Variants in RBFOX1 observed in about 807,000 individuals in gnomAD.
RBFOX1 encodes RNA binding protein fox-1 homolog 1.
In RBFOX1, 8 loss-of-function variants were observed where a neutral mutation model predicts 57.7. The ratio of observed to expected loss-of-function variants is 0.14; its 90% CI spans 0.08 to 0.25. RBFOX1 has a LOEUF of 0.25. Ranked by LOEUF, RBFOX1 falls within the 10% of genes least tolerant of loss-of-function variation. The pLI is 1.00. For missense variants in RBFOX1, 611 were observed against 548.5 expected, an observed-to-expected ratio of 1.11 and a Z score of -1.14; for synonymous variants, 326 against 222.4, an observed-to-expected ratio of 1.47 and a Z score of -4.15.
chr16:6,287,295 C>G (rs1021247262), intron 1 of RBFOX1, among the ~76,000 whole-genome samples: 1 of 152,170 alleles, frequency 6.6e-6, no homozygotes, highest in Non-Finnish European at 1.5e-5. Flanking sequence ...CAAAAATAGT[C>G]ATGGTGTTGC....
intron 1 of RBFOX1, among the ~76,000 whole-genome samples, chr16:6,169,021 C>G (rs1020580897): frequency 2.0e-5 from 3 of 152,030 alleles, no homozygotes; most frequent in South Asian, 2.1e-4. Flanking sequence ...GAAAAGCAGG[C>G]CTTCTCATTT....
intron 2 of RBFOX1, among the ~76,000 whole-genome samples, chr16:6,488,733 CT>C (rs1209812318): frequency 5.3e-5 from 8 of 152,120 alleles, no homozygotes; most frequent in African/African-American, 7.2e-5. Flanking sequence ...ATTTCCTCCC[CT>C]AACCCATAAT....
intron 3 of RBFOX1, among the ~76,000 whole-genome samples, chr16:6,802,916 C>G (rs189484090): frequency 1.1e-4 from 16 of 152,244 alleles, no homozygotes; most frequent in South Asian, 6.2e-4. Flanking sequence ...TTTAGTTTCC[C>G]TTAGGGTTAA....
At chr16:5,392,490 A>C (rs2066439580) in intron 1 of RBFOX1, among the ~76,000 whole-genome samples, 1 of 151,490 alleles carries the variant, frequency 6.6e-6, no homozygotes, top group South Asian at 2.1e-4. Context: ...CTGTCTACCC[A>C]ATGTGGGATG....
intron 4 of RBFOX1, among the ~76,000 whole-genome samples, chr16:7,382,341 G>A (rs1331841025): frequency 1.3e-5 from 2 of 151,914 alleles, no homozygotes; most frequent in African/African-American, 2.4e-5. Context: ...AGTTTATTTT[G>A]GACTTTTAAA....
At chr16:7,450,577 TAAG>T (rs1322697995) in intron 4 of RBFOX1, among the ~76,000 whole-genome samples, 1 of 152,044 alleles carries the variant, frequency 6.6e-6, no homozygotes, top group Non-Finnish European at 1.5e-5. Context: ...GTGAGTGTCT[TAAG>T]GAGGAAAAGA....
rs536182789 is a variant in RBFOX1, at chr16:6,349,976, C to G, written c.-64+32919C>G. On this transcript the variant is annotated intron_variant, in intron 2 of 15. Transcript: ENST00000550418. ...ATTTCCATGGTGAATGTGCGTGTCT[C>G]TCCTTGGCAAAACATGTAGAAAAGA... Among the ~76,000 whole-genome samples the G allele has an allele frequency of 3.3e-5, 5 of 152,228 alleles. No homozygotes were observed. The East Asian group carries it at 5.8e-4, about 18-fold the overall frequency.
chr16:7,641,918 C>G (rs1032042830), intron 11 of RBFOX1, among the ~76,000 whole-genome samples: 2 of 152,016 alleles, frequency 1.3e-5, no homozygotes, highest in Non-Finnish European at 2.9e-5. Context: ...GCTACTCTTT[C>G]TTTTTCTGGC....
At chr16:7,585,911 C>A (rs1409200728) in intron 6 of RBFOX1, among the ~76,000 whole-genome samples, 3 of 152,048 alleles carry the variant, frequency 2.0e-5, no homozygotes, top group African/African-American at 7.2e-5. Flanking sequence ...CTTTTTTATC[C>A]TGCCCCACCC....
At chr16:7,108,169 A>G (rs538087157) in intron 4 of RBFOX1, among the ~76,000 whole-genome samples, 6 of 152,190 alleles carry the variant, frequency 3.9e-5, no homozygotes, top group East Asian at 1.9e-4. Context: ...GCTCGACACA[A>G]TTTAATCTCT....
At chr16:5,547,578 A>G (rs1241579875) in intron 2 of RBFOX1, among the ~76,000 whole-genome samples, 1 of 152,206 alleles carries the variant, frequency 6.6e-6, no homozygotes, top group African/African-American at 2.4e-5. Context: ...CAGAAAGCAG[A>G]TCATTTGTTG....
chr16:7,059,730 T>C (rs945289223), intron 4 of RBFOX1, among the ~76,000 whole-genome samples: 1 of 152,196 alleles, frequency 6.6e-6, no homozygotes, highest in African/African-American at 2.4e-5. Context: ...TAGTGACTGT[T>C]TGGTACAAAT....
chr16:6,088,742 A>G (rs984772088), intron 1 of RBFOX1, among the ~76,000 whole-genome samples: 1 of 152,190 alleles, frequency 6.6e-6, no homozygotes, highest in African/African-American at 2.4e-5. Context: ...TAGGTATTAC[A>G]TGTAAAACTT....
intron 3 of RBFOX1, among the ~76,000 whole-genome samples, chr16:7,043,956 T>A (rs572807618): frequency 6.6e-6 from 1 of 152,204 alleles, no homozygotes; most frequent in Non-Finnish European, 1.5e-5. Flanking sequence ...CACTAATACC[T>A]TTTTCAATTC....
intron 4 of RBFOX1, among the ~76,000 whole-genome samples, chr16:7,464,254 A>G (rs1050411307): frequency 6.6e-6 from 1 of 152,204 alleles, no homozygotes; most frequent in Non-Finnish European, 1.5e-5. Flanking sequence ...ATAATGGTGG[A>G]CAGTTTAGCC....
chr16:6,664,892 T>A (rs1219060426), intron 3 of RBFOX1, among the ~76,000 whole-genome samples: 1 of 152,208 alleles, frequency 6.6e-6, no homozygotes, highest in East Asian at 1.9e-4. Flanking sequence ...CTTGGAAAAG[T>A]CACATTCCTG....
In RBFOX1 at chr16:6,005,611, G is replaced by A. The variant is rs181589050; in HGVS notation, c.351+138276G>A. On this transcript the variant is annotated intron_variant, in intron 4 of 19. Transcript: ENST00000641259. Reference sequence around the variant, plus strand: ...TTGCAGGATATTAAACAGCCTCCCTGGCCTCTACCCACTGGATACCACAAG... The same window carrying A: ...TTGCAGGATATTAAACAGCCTCCCTAGCCTCTACCCACTGGATACCACAAG... Among the ~76,000 whole-genome samples the A allele has an allele frequency of 1.7e-3, 261 of 152,258 alleles. 5 individuals are homozygous for A. Among genetic ancestry groups the A allele is most frequent in the Admixed American group, 0.016 (248 of 15,276 alleles).
chr16:7,076,788 A>G (rs1489424072), intron 4 of RBFOX1, among the ~76,000 whole-genome samples: 3 of 152,160 alleles, frequency 2.0e-5, no homozygotes, highest in Non-Finnish European at 2.9e-5. Flanking sequence ...TTCCAATGTC[A>G]TGGTTTATAT....
intron 4 of RBFOX1, among the ~76,000 whole-genome samples, chr16:7,154,364 C>G (rs1037880798): frequency 6.6e-6 from 1 of 152,150 alleles, no homozygotes; most frequent in Non-Finnish European, 1.5e-5. Context: ...AGAAAAACTA[C>G]CACTGAAGAG....
Sources: gnomAD v4.1 joint callset for allele counts (sites outside exome capture counted in the v4.1 genomes callset) on GRCh38, gnomAD v4.1.1 for gene constraint, MANE v1.5 for transcripts, NCBI Gene and HGNC (gene_info 2026-07-23, HGNC 2026-07-21) for gene names.